The following TRIM2 variants were observed in gnomAD, a reference collection of about 807,000 sequenced individuals.
TRIM2 encodes tripartite motif-containing protein 2.
In TRIM2, 20 loss-of-function variants were observed where a neutral mutation model predicts 75.2. The observed-to-expected ratio is 0.27, with a 90% CI of 0.19 to 0.39. The LOEUF (loss-of-function observed/expected upper bound fraction) is 0.39. Ranked by LOEUF, TRIM2 falls within the 10% of genes least tolerant of loss-of-function variation. TRIM2 has a pLI of 1.00. For missense variants in TRIM2, 660 were observed against 990.8 expected, an observed-to-expected ratio of 0.67 and a Z score of 4.48; for synonymous variants, 373 against 388.3, an observed-to-expected ratio of 0.96 and a Z score of 0.46.
chr4:153,335,448 C>T lies in TRIM2; in HGVS notation c.*482C>T. ...TTTACAGTAGGTATTACTCTTGTGACATTTTTTTGGTTATCAACAACTAAA... is the reference window on the plus strand; with the variant it reads ...TTTACAGTAGGTATTACTCTTGTGATATTTTTTTGGTTATCAACAACTAAA... On this transcript the variant is annotated 3_prime_UTR_variant, in exon 12 of 12. Transcript: ENST00000338700. The T allele has an allele frequency of 1.0e-6, 1 of 985,464 alleles. No individual in the cohort carries two copies. The highest frequency in any genetic ancestry group is 4.7e-5 in the South Asian group (1 of 21,294). 61.0% of individuals were successfully genotyped at this position (985,464 alleles called of 1,614,324 possible). A position where few individuals can be genotyped will look rare whatever the true frequency, so the allele number is the denominator to read the frequency against.
At chr4:153,239,779 A>G (rs1746021377) in intron 1 of TRIM2, among the ~76,000 whole-genome samples, 2 of 151,096 alleles carry the variant, frequency 1.3e-5, no homozygotes, top group Admixed American at 1.3e-4. Flanking sequence ...ATAAGAAACA[A>G]CATTTTCGAG....
intron 1 of TRIM2, among the ~76,000 whole-genome samples, chr4:153,191,667 CAGT>C (rs1045744373): frequency 2.0e-5 from 3 of 152,272 alleles, no homozygotes; most frequent in African/African-American, 7.2e-5. Context: ...ATTTTTTAAA[CAGT>C]AGATTTCCTT....
At chr4:153,279,346 A>C (rs1233636702) in intron 3 of TRIM2, among the ~76,000 whole-genome samples, 1 of 152,234 alleles carries the variant, frequency 6.6e-6, no homozygotes, top group African/African-American at 2.4e-5. Flanking sequence ...AGAAAATACC[A>C]CTATATTTTC....
In TRIM2 at chr4:153,284,028, C is replaced by A. The variant is rs1332707940; in HGVS notation, c.453+7898C>A. ...GGGATTACAGGTGCATGTCACCATG[C>A]CCAGCTAATTTTTGTATTTTTTTTT... On this transcript the variant is annotated intron_variant, in intron 3 of 11. Coordinates refer to ENST00000338700, the MANE Select transcript of TRIM2 (RefSeq NM_015271.5). Among the ~76,000 whole-genome samples, 3 of 150,918 alleles carry A rather than the reference C, an allele frequency of 2.0e-5. No individual in the cohort carries two copies. The East Asian group carries it at 5.8e-4, about 29-fold the overall frequency.
intron 1 of TRIM2, among the ~76,000 whole-genome samples, chr4:153,251,888 G>A (rs999474036): frequency 6.6e-6 from 1 of 152,000 alleles, no homozygotes; most frequent in African/African-American, 2.4e-5. Flanking sequence ...GACTAAGGTG[G>A]GAGGATTGCT....
intron 1 of TRIM2, among the ~76,000 whole-genome samples, chr4:153,215,003 A>G (rs1738092360): frequency 6.6e-6 from 1 of 152,222 alleles, no homozygotes; most frequent in South Asian, 2.1e-4. Context: ...ATTATATACT[A>G]GCCTCACTTA....
At chr4:153,199,901 G>A (rs1325736652), upstream of TRIM2, among the ~76,000 whole-genome samples, 3 of 150,886 alleles carry the variant, frequency 2.0e-5, no homozygotes, top group Non-Finnish European at 4.4e-5. Flanking sequence ...AGCCTCTGGA[G>A]TAGCTGGGAC....
Position 153,322,790 on chromosome 4 carries a change from G to A in TRIM2, c.1925G>A (p.Arg642Gln). The change falls in exon 9 of 12, where the codon CGA becomes CAA. Residue 642 changes from arginine (R) to glutamine (Q), a missense_variant. Transcript: ENST00000338700. ...AAAATAGTCACCAGGTTTGGTAGCCGAGGAAATGGGGACAGGCAGTTTGCA... is the reference window on the plus strand; with the variant it reads ...AAAATAGTCACCAGGTTTGGTAGCCAAGGAAATGGGGACAGGCAGTTTGCA... The part of the protein sequence containing the change: ...NGKIVTRFGS[R>Q]GNGDRQFAGP... 3.7e-6 allele frequency: 6 copies of A among 1,614,162 alleles called. No homozygotes were observed. Among genetic ancestry groups the A allele is most frequent in the Non-Finnish European group, 5.1e-6 (6 of 1,180,016 alleles).
rs1253139290 is a variant in TRIM2, at chr4:153,161,253, G to T, written c.-49+7983G>T. 2.6e-5 allele frequency among the ~76,000 whole-genome samples: 4 copies of T among 152,182 alleles called. 1 individual carries two copies. Among genetic ancestry groups the T allele is most frequent in the Admixed American group, 2.6e-4 (4 of 15,284 alleles). On this transcript the variant is annotated intron_variant, in intron 1 of 11. Transcript: ENST00000437508. ...CAAATGTTTATAACCAGCCCCTACT[G>T]CTTTTACAAGCACAGAGATGAATCA...
chr4:153,243,476 G>A (rs895425546), intron 1 of TRIM2, among the ~76,000 whole-genome samples: 2 of 152,210 alleles, frequency 1.3e-5, no homozygotes, highest in Admixed American at 6.5e-5. Context: ...ATCCTTGCTA[G>A]ATCCCAGATC....
chr4:153,185,447 T>A (rs1252098258), intron 1 of TRIM2, among the ~76,000 whole-genome samples: 1 of 152,128 alleles, frequency 6.6e-6, no homozygotes, highest in East Asian at 1.9e-4. Flanking sequence ...TTGATCATAC[T>A]CTGCACAGCC....
intron 1 of TRIM2, among the ~76,000 whole-genome samples, chr4:153,221,962 G>A (rs1740416054): frequency 2.1e-4 from 4 of 19,464 alleles, no homozygotes; most frequent in Non-Finnish European, 3.1e-4. Context: ...GAAGGAAAGA[G>A]GGAGGAAGGG....
intron 3 of TRIM2, among the ~76,000 whole-genome samples, chr4:153,277,203 TG>T (rs1758220600): frequency 6.6e-6 from 1 of 152,234 alleles, no homozygotes; most frequent in Non-Finnish European, 1.5e-5. Context: ...CCTCGGGGCC[TG>T]GCTGTTCTGT....
At chr4:153,308,524 T>G in intron 6 of TRIM2, 1 of 750,298 alleles carries the variant, frequency 1.3e-6, no homozygotes, top group Non-Finnish European at 2.4e-6. Flanking sequence ...AAGTTCCTTT[T>G]TGGTCCTTCT....
intron 1 of TRIM2, among the ~76,000 whole-genome samples, chr4:153,249,049 G>A (rs958779623): frequency 6.6e-6 from 1 of 152,234 alleles, no homozygotes; most frequent in Non-Finnish European, 1.5e-5. Context: ...AGGCGGGGGC[G>A]ATCCCCAGGG....
intron 10 of TRIM2, among the ~76,000 whole-genome samples, chr4:153,325,473 TG>T (rs947537611): frequency 2.6e-4 from 40 of 152,168 alleles, no homozygotes; most frequent in African/African-American, 9.7e-4. Context: ...TGGAAAAAGT[TG>T]GTAGCCAAAG....
At chr4:153,298,811 G>T (rs573430211) in intron 6 of TRIM2, among the ~76,000 whole-genome samples, 2 of 152,222 alleles carry the variant, frequency 1.3e-5, no homozygotes, top group South Asian at 4.1e-4. Flanking sequence ...ATGGCTCATT[G>T]TAGCCTCTAC....
chr4:153,271,115 G>A (rs1756570523), intron 2 of TRIM2, among the ~76,000 whole-genome samples: 1 of 151,992 alleles, frequency 6.6e-6, no homozygotes, highest in Non-Finnish European at 1.5e-5. Context: ...TTTGGAGAGG[G>A]GCGTTAATCA....
At position 153,315,579 on chromosome 4, in the gene TRIM2, A is replaced by G. The variant is rs376944421; in HGVS notation, c.1605A>G (p.Gln535=). ...TATTAATTGCAGACAGTAACAACCA[A>G]TGTGTGCAGGTATAGCCCCTAATTA... ...GKILIADSNN[Q]CVQIFSNDGQ... The change falls in exon 7 of 12, where the codon CAA becomes CAG. Residue 535 remains glutamine (Q), a synonymous_variant. Transcript: ENST00000338700. 1.9e-6 allele frequency: 3 copies of G among 1,610,052 alleles called. No individual in the cohort carries two copies. Among genetic ancestry groups the G allele is most frequent in the African/African-American group, 1.3e-5 (1 of 74,658 alleles).
Sources: gnomAD v4.1 joint callset for allele counts (sites outside exome capture counted in the v4.1 genomes callset) on GRCh38, gnomAD v4.1.1 for gene constraint, MANE v1.5 for transcripts, NCBI Gene and HGNC (gene_info 2026-07-23, HGNC 2026-07-21) for gene names.